The following TLCD3B variants were observed in gnomAD, a reference collection of about 807,000 sequenced individuals.
TLCD3B encodes ceramide synthase.
In TLCD3B, 9 loss-of-function variants were observed where a neutral mutation model predicts 23.0. That is an observed-to-expected ratio of 0.39 (90% confidence interval 0.24 to 0.68). The LOEUF (loss-of-function observed/expected upper bound fraction) is 0.68, where lower values mean the gene tolerates loss of function less well. TLCD3B is among the 30% of genes least tolerant of loss of function. The pLI, the probability that TLCD3B is intolerant of heterozygous loss-of-function variation, is 0.44. For synonymous variants in TLCD3B, 161 were observed against 161.0 expected (o/e 1.00, Z 0.00); for missense variants, 307 against 371.8 (o/e 0.83, Z 1.43).
chr16:30,050,674 G>T (rs770684108), intron 1 of TLCD3B, among the ~76,000 whole-genome samples: 1 of 152,244 alleles, frequency 6.6e-6, no homozygotes, highest in Non-Finnish European at 1.5e-5. Flanking sequence ...GAGAGGGCCA[G>T]GGGTGGCCAA....
rs780474875 is a variant in TLCD3B, at chr16:30,025,598, G to T, written c.540+128C>A. 1.5e-5 allele frequency: 23 copies of T among 1,485,004 alleles called. No individual in the cohort carries two copies. The highest frequency in any genetic ancestry group is 2.0e-5 in the Non-Finnish European group (21 of 1,066,386). The allele number at this position is 1,485,004 out of a possible 1,614,324, so 92.0% of individuals were successfully genotyped here. Reference sequence around the variant, plus strand: ...ACACTTTGCCAGGACACAAGCACCAGGTGCTCAAAATGCACGGGGTGAGGG... The same window carrying T: ...ACACTTTGCCAGGACACAAGCACCATGTGCTCAAAATGCACGGGGTGAGGG... On this transcript the variant is annotated intron_variant, in intron 4 of 4. Transcript: ENST00000380495. This position sits in a 1 kb window ranked among gnomAD's most constrained non-coding sequence, Gnocchi z 4.1.
intron 2 of TLCD3B, among the ~76,000 whole-genome samples, chr16:30,044,031 CT>C (rs1175821195): frequency 7.9e-5 from 11 of 139,958 alleles, no homozygotes; most frequent in Admixed American, 6.6e-4. Context: ...TTTTTTAACT[CT>C]GTCTCCCAAG....
intron 2 of TLCD3B, chr16:30,027,501 G>T: frequency 2.2e-6 from 1 of 446,164 alleles, no homozygotes; most frequent in South Asian, 1.6e-5. Flanking sequence ...GATCCGAGAG[G>T]CATCAGAGAC....
intron 3 of TLCD3B, among the ~76,000 whole-genome samples, chr16:30,039,103 CTTTTTT>C (rs1018184417): frequency 1.0e-5 from 1 of 99,616 alleles, no homozygotes; most frequent in South Asian, 3.2e-4. Flanking sequence ...TCCTTCCTCT[CTTTTTT>C]TTTTTTTTTT....
At chr16:30,026,491 C>A in intron 3 of TLCD3B, 118 bp downstream of exon 3, 1 of 859,164 alleles carries the variant, frequency 1.2e-6, no homozygotes, top group South Asian at 1.7e-5. Flanking sequence ...CCTGGGAATA[C>A]GCTGGGTCTG....
chr16:30,025,986 C>A lies in TLCD3B; in HGVS notation c.445-165G>T, dbSNP rs2071113351. On this transcript the variant is annotated intron_variant, in intron 3 of 4. Coordinates refer to ENST00000380495, the MANE Select transcript of TLCD3B (RefSeq NM_031478.6). The surrounding 1 kb of genome is among the most constrained non-coding windows in gnomAD (Gnocchi z 4.1). ...CAGTGGCTCACGCCGGTAATCCCAG[C>A]ACTTTGGGAGGCTGAGGCAGGTGGA... 6.6e-6 allele frequency among the ~76,000 whole-genome samples: 1 copy of A among 151,714 alleles called. No homozygotes were observed. The highest frequency in any genetic ancestry group is 2.4e-5 in the African/African-American group (1 of 41,278).
At chr16:30,052,761 C>A (rs1219090177) in intron 1 of TLCD3B, 1 of 151,900 alleles carries the variant, frequency 6.6e-6, no homozygotes, top group African/African-American at 2.4e-5. Context: ...TAAAAAGTAG[C>A]ATTGATGTTT....
intron 3 of TLCD3B, among the ~76,000 whole-genome samples, chr16:30,040,375 G>T (rs1414258534): frequency 6.6e-6 from 1 of 151,842 alleles, no homozygotes; most frequent in Non-Finnish European, 1.5e-5. Context: ...ACATGTTCCC[G>T]TTTAATCATC....
At chr16:30,047,560 G>T (rs1053560388) in intron 1 of TLCD3B, among the ~76,000 whole-genome samples, 4 of 152,064 alleles carry the variant, frequency 2.6e-5, no homozygotes, top group Non-Finnish European at 5.9e-5. Flanking sequence ...GACCTCAAGT[G>T]ATCCGCCTGC....
intron 2 of TLCD3B, among the ~76,000 whole-genome samples, chr16:30,044,549 C>T (rs1184496314): frequency 2.0e-5 from 3 of 151,692 alleles, no homozygotes; most frequent in East Asian, 1.9e-4. Context: ...TGACCTCAGG[C>T]GATCTGCCTG....
At chr16:30,045,730 T>C (rs2071663664) in intron 2 of TLCD3B, among the ~76,000 whole-genome samples, 4 of 149,492 alleles carry the variant, frequency 2.7e-5, no homozygotes. Flanking sequence ...GTGTGTGTGG[T>C]GTGTGTTTGT....
intron 1 of TLCD3B, chr16:30,046,489 C>T (rs760251686): frequency 6.6e-6 from 1 of 152,188 alleles, no homozygotes; most frequent in Non-Finnish European, 1.5e-5. Flanking sequence ...GGGAAGGGTC[C>T]GATTCCCCCC....
chr16:30,025,543 G>A lies in TLCD3B; in HGVS notation c.541-76C>T, dbSNP rs533808156. On this transcript the variant is annotated intron_variant, in intron 4 of 4. Coordinates refer to ENST00000380495, the MANE Select transcript of TLCD3B (RefSeq NM_031478.6). This position sits in a 1 kb window ranked among gnomAD's most constrained non-coding sequence, Gnocchi z 4.1. ...CTTGGCCCTCTCCCTGCCTCCCTGC[G>A]ACCCTAGCAGGCAGCTCCTCCCAAA... The A allele has an allele frequency of 5.8e-5, 91 of 1,572,638 alleles. 1 individual carries two copies. In the Admixed American group the frequency reaches 6.7e-4, roughly 12 times the overall value.
upstream of TLCD3B, among the ~76,000 whole-genome samples, chr16:30,032,469 TTGTAGAGACAATAGCGGACCTAGCTCC>T (rs1195018031): frequency 6.6e-6 from 1 of 152,062 alleles, no homozygotes; most frequent in Non-Finnish European, 1.5e-5. Flanking sequence ...TTAGAGACGG[TTGTAGAGACAATAGCGGACCTAGCTCC>T]TGTCCTCAGC....
chr16:30,027,207 T>C (rs1359582392), intron 2 of TLCD3B: 1 of 463,896 alleles, frequency 2.2e-6, no homozygotes, highest in Admixed American at 2.3e-5. Context: ...GTCCTAACCT[T>C]ACCATGAGGT....
intron 1 of TLCD3B, among the ~76,000 whole-genome samples, chr16:30,047,482 C>T (rs1461766042): frequency 2.0e-5 from 3 of 152,068 alleles, no homozygotes; most frequent in South Asian, 2.1e-4. Context: ...CCGCCATGCT[C>T]GGCTAATTTT....
At chr16:30,045,788 A>G (rs939219156) in intron 2 of TLCD3B, among the ~76,000 whole-genome samples, 6 of 151,306 alleles carry the variant, frequency 4.0e-5, no homozygotes, top group Non-Finnish European at 7.4e-5. Context: ...TAAACCCAAG[A>G]TGGGATGCAC....
intron 3 of TLCD3B, among the ~76,000 whole-genome samples, chr16:30,040,147 A>AAAAAATAT: frequency 0.12 from 11,627 of 95,204 alleles, 1,099 homozygotes; most frequent in Non-Finnish European, 0.17. Context: ...AAAAAAAAAA[A>AAAAAATAT]ATATATATAT....
chr16:30,044,950 G>A (rs1461324935), intron 2 of TLCD3B, among the ~76,000 whole-genome samples: 2 of 151,726 alleles, frequency 1.3e-5, no homozygotes, highest in African/African-American at 2.4e-5. Flanking sequence ...AAAATTAGCC[G>A]GGCGTGGTGG....
Sources: allele counts gnomAD v4.1 joint callset (sites outside exome capture counted in the v4.1 genomes callset), GRCh38; gene constraint gnomAD v4.1.1; non-coding constraint Gnocchi (gnomAD v3.1); transcripts MANE v1.5; gene names NCBI Gene and HGNC (gene_info 2026-07-23, HGNC 2026-07-21).